The following ENOX1 variants were observed in gnomAD, a reference collection of about 807,000 sequenced individuals.
ENOX1 encodes the protein candidate growth-related and time keeping constitutive hydroquinone (NADH) oxidase.
A neutral mutation model predicts 82.5 loss-of-function variants in ENOX1; 42 were observed. The ratio of observed to expected loss-of-function variants is 0.51; its 90% CI spans 0.40 to 0.66. The LOEUF (loss-of-function observed/expected upper bound fraction) is 0.66. ENOX1 is among the 30% of genes least tolerant of loss of function. ENOX1 has a pLI of 0.00. For synonymous variants in ENOX1, 271 were observed against 282.2 expected, an observed-to-expected ratio of 0.96 and a Z score of 0.40; for missense variants, 608 against 811.6, an observed-to-expected ratio of 0.75 and a Z score of 3.05.
chr13:43,535,495 T>C (rs924013501), intron 2 of ENOX1, among the ~76,000 whole-genome samples: 6 of 152,132 alleles, frequency 3.9e-5, no homozygotes, highest in Non-Finnish European at 7.4e-5. Flanking sequence ...CAATACACTG[T>C]AGTACTTCAG....
At chr13:43,775,427 T>C (rs73189993) in intron 1 of ENOX1, among the ~76,000 whole-genome samples, 5,020 of 152,180 alleles carry the variant, frequency 0.033, 203 homozygotes, top group East Asian at 0.22. Flanking sequence ...CAGGTGTGAG[T>C]CACCTCACCT....
intron 3 of ENOX1, among the ~76,000 whole-genome samples, chr13:43,435,079 G>GACAT (rs1039155388): frequency 6.6e-6 from 1 of 151,022 alleles, no homozygotes; most frequent in African/African-American, 2.4e-5. Context: ...AGACGGACTT[G>GACAT]ACATAGGGAT....
At chr13:43,720,421 G>C (rs1037805565) in intron 1 of ENOX1, among the ~76,000 whole-genome samples, 1 of 152,228 alleles carries the variant, frequency 6.6e-6, no homozygotes, top group Middle Eastern at 3.4e-3. Flanking sequence ...TCACCTCCTT[G>C]AAAGTTTGCC....
intron 3 of ENOX1, among the ~76,000 whole-genome samples, chr13:43,451,322 T>C (rs2056954225): frequency 6.6e-6 from 1 of 152,172 alleles, no homozygotes; most frequent in South Asian, 2.1e-4. Context: ...CTCTAGGTCA[T>C]TTAGTTAAAA....
intron 1 of ENOX1, among the ~76,000 whole-genome samples, chr13:43,676,100 T>C (rs9533579): frequency 0.083 from 12,627 of 152,106 alleles, 779 homozygotes; most frequent in African/African-American, 0.17. Flanking sequence ...AGATTCCTCA[T>C]GAATGGAAGA....
chr13:43,620,017 C>T (rs2082654422), intron 2 of ENOX1, among the ~76,000 whole-genome samples: 1 of 152,040 alleles, frequency 6.6e-6, no homozygotes, highest in Non-Finnish European at 1.5e-5. Context: ...TCCATCTCTT[C>T]TAATTTTCTA....
chr13:43,322,586 T>C lies in ENOX1; in HGVS notation c.1144-85A>G, dbSNP rs952597996. On this transcript the variant is annotated intron_variant, in intron 10 of 16. Coordinates refer to ENST00000690772, the MANE Select transcript of ENOX1 (RefSeq NM_001347969.2). ...TCTTTGGGTATATATGACTGGCATA[T>C]TAACATTCAGAATCCAAAGCTTTTA... 4.6e-6 allele frequency: 5 copies of C among 1,075,510 alleles called. No homozygotes were observed. In the African/African-American group the frequency reaches 6.3e-5, roughly 14 times the overall value. The allele number at this position is 1,075,510 out of a possible 1,614,324, so 66.6% of individuals were successfully genotyped here.
intron 3 of ENOX1, among the ~76,000 whole-genome samples, chr13:43,430,139 A>G (rs901223559): frequency 7.9e-5 from 12 of 152,218 alleles, no homozygotes; most frequent in African/African-American, 2.9e-4. Context: ...AACGTGCACA[A>G]AATATGCATT....
At chr13:43,353,981 T>A (rs1006441249) in intron 8 of ENOX1, among the ~76,000 whole-genome samples, 1 of 152,252 alleles carries the variant, frequency 6.6e-6, no homozygotes, top group Non-Finnish European at 1.5e-5. Context: ...TGTACTGGGT[T>A]CTTAAAAACA....
intron 2 of ENOX1, among the ~76,000 whole-genome samples, chr13:43,637,065 C>T (rs566640235): frequency 2.0e-5 from 3 of 152,200 alleles, no homozygotes; most frequent in Non-Finnish European, 4.4e-5. Context: ...AAGTGGACTT[C>T]GTACACAATG....
intron 8 of ENOX1, among the ~76,000 whole-genome samples, chr13:43,346,559 C>T (rs868123596): frequency 1.3e-4 from 20 of 152,210 alleles, no homozygotes; most frequent in Non-Finnish European, 2.9e-5. Flanking sequence ...GCCACTTATA[C>T]CATTTTGTTA....
intron 3 of ENOX1, among the ~76,000 whole-genome samples, chr13:43,415,454 C>T (rs1308430004): frequency 4.6e-5 from 7 of 151,848 alleles, no homozygotes; most frequent in Admixed American, 2.0e-4. Flanking sequence ...TGACTCTTAA[C>T]GAACATGCTG....
intron 1 of ENOX1, among the ~76,000 whole-genome samples, chr13:43,671,814 G>C (rs1020883201): frequency 6.6e-6 from 1 of 152,122 alleles, no homozygotes; most frequent in African/African-American, 2.4e-5. Flanking sequence ...TCAGGGACTA[G>C]GCTAGCAGTT....
chr13:43,575,174 C>G (rs2080363644), intron 2 of ENOX1, among the ~76,000 whole-genome samples: 1 of 152,138 alleles, frequency 6.6e-6, no homozygotes, highest in Non-Finnish European at 1.5e-5. Flanking sequence ...GAAAAAGAAA[C>G]CTCGTGAAGT....
chr13:43,499,627 A>G (rs1224726859), intron 2 of ENOX1, among the ~76,000 whole-genome samples: 2 of 152,002 alleles, frequency 1.3e-5, no homozygotes, highest in East Asian at 3.9e-4. Context: ...CCCTACCAAA[A>G]CCAGTCTATA....
chr13:43,763,788 T>C (rs1323463934), intron 1 of ENOX1, among the ~76,000 whole-genome samples: 2 of 152,242 alleles, frequency 1.3e-5, no homozygotes, highest in Non-Finnish European at 2.9e-5. Context: ...TTAGCAATTT[T>C]GAGCTAAAGA....
chr13:43,752,191 A>G (rs904450354), intron 1 of ENOX1, among the ~76,000 whole-genome samples: 5 of 152,288 alleles, frequency 3.3e-5, no homozygotes, highest in Admixed American at 2.0e-4. Flanking sequence ...TATCCGGCAG[A>G]ATATCTGTTC....
rs553504525 is a variant in ENOX1, at chr13:43,541,173, GTTTTTTTTTTTTT to G, written c.-218-57034_-218-57022del. On this transcript the variant is annotated intron_variant, in intron 2 of 16. Transcript: ENST00000690772. ...CTCCAACCTTACACTTCTTCCCTCTGTTTTTTTTTTTTTTTTTTTTTTTTTGCTAAAAATGATT... is the reference window on the plus strand; with the variant it reads ...CTCCAACCTTACACTTCTTCCCTCTGTTTTTTTTTTTTGCTAAAAATGATT... Among the ~76,000 whole-genome samples, 14 of 64,582 alleles carry G rather than the reference GTTTTTTTTTTTTT, an allele frequency of 2.2e-4. 1 individual carries two copies. The highest frequency in any genetic ancestry group is 6.5e-4 in the African/African-American group (13 of 20,122). 42.4% of individuals were successfully genotyped at this position (64,582 alleles called of 152,430 possible). A position where few individuals can be genotyped will look rare whatever the true frequency, so the allele number is the denominator to read the frequency against.
chr13:43,774,643 C>T (rs1951816143), intron 1 of ENOX1, among the ~76,000 whole-genome samples: 1 of 152,172 alleles, frequency 6.6e-6, no homozygotes. Context: ...AATCCTCCCG[C>T]CCAGCACTCA....
Sources: gnomAD v4.1 joint callset for allele counts (sites outside exome capture counted in the v4.1 genomes callset) on GRCh38, gnomAD v4.1.1 for gene constraint, MANE v1.5 for transcripts, NCBI Gene and HGNC (gene_info 2026-07-23, HGNC 2026-07-21) for gene names.